Variants in FBN2 observed in about 807,000 individuals in gnomAD.
The protein encoded by FBN2 is fibrillin-2.
A neutral mutation model predicts 355.6 loss-of-function variants in FBN2; 105 were observed. The ratio of observed to expected loss-of-function variants is 0.30; its 90% confidence interval spans 0.25 to 0.35. FBN2 has a LOEUF of 0.35. FBN2 is among the 10% of genes least tolerant of loss of function. The pLI is 1.00. For synonymous variants in FBN2, 1,350 were observed against 1,301.2 expected (o/e 1.04, Z -0.81); for missense variants, 3,280 against 3,758.7 (o/e 0.87, Z 3.33).
intron 6 of FBN2, among the ~76,000 whole-genome samples, chr5:128,459,045 T>G (rs1305900949): frequency 6.6e-6 from 1 of 151,802 alleles, no homozygotes; most frequent in African/African-American, 2.4e-5. Flanking sequence ...ATGAAACTGA[T>G]AGACTGCTAG....
At chr5:128,441,978 A>T (rs1256018075) in intron 7 of FBN2, 1 of 154,748 alleles carries the variant, frequency 6.5e-6, no homozygotes, top group Non-Finnish European at 1.4e-5. Flanking sequence ...ACTTTATGTA[A>T]TATGAATAAG....
chr5:128,484,446 C>G (rs189754792), intron 5 of FBN2, among the ~76,000 whole-genome samples: 1 of 152,200 alleles, frequency 6.6e-6, no homozygotes, highest in Admixed American at 6.5e-5. Flanking sequence ...GCCAATCATA[C>G]ACAAGGAAGC....
intron 2 of FBN2, among the ~76,000 whole-genome samples, chr5:128,531,038 C>G (rs115989513): frequency 1.3e-5 from 2 of 152,072 alleles, no homozygotes; most frequent in African/African-American, 4.8e-5. Context: ...AGTCATTATT[C>G]GAAAAAGATA....
chr5:128,368,079 C>T (rs543003077), intron 16 of FBN2, among the ~76,000 whole-genome samples: 1 of 152,144 alleles, frequency 6.6e-6, no homozygotes, highest in African/African-American at 2.4e-5. Flanking sequence ...TCCTTCCCAG[C>T]TTCCCTGGGC....
At position 128,338,030 on chromosome 5, in the gene FBN2, G is replaced by A. The variant is rs779690646; in HGVS notation, c.3565C>T (p.His1189Tyr). The change falls in exon 27 of 65, where the codon CAC becomes TAC. Residue 1189 changes from histidine (H) to tyrosine (Y), a missense_variant. His to Tyr is a moderately conservative substitution (Grantham distance 83, BLOSUM62 2). Around this residue, in one of 6 missense-constraint regions of FBN2, gnomAD observed 2,284 missense variants for 2,749.5 expected, o/e 0.83. Transcript: ENST00000262464. ...GSFQCDCPLG[H>Y]ELSPSREDCV... The stretch of plus-strand genomic sequence containing the variant: ...TCCTCACGGGATGGTGACAGCTCGT[G>A]TCCCAGTGGGCAGTCACACTGAAAG... 16 of 1,614,160 alleles carry A rather than the reference G, an allele frequency of 9.9e-6. No homozygotes were observed. Among genetic ancestry groups the A allele is most frequent in the Middle Eastern group, 1.6e-4 (1 of 6,062 alleles).
At chr5:128,373,961 T>C (rs945144055) in intron 15 of FBN2, among the ~76,000 whole-genome samples, 2 of 152,184 alleles carry the variant, frequency 1.3e-5, no homozygotes, top group Non-Finnish European at 2.9e-5. Flanking sequence ...AAGTCCAATA[T>C]TTATATTTTA....
chr5:128,260,124 G>T (rs1036935610), intron 64 of FBN2, among the ~76,000 whole-genome samples: 1 of 151,724 alleles, frequency 6.6e-6, no homozygotes, highest in Non-Finnish European at 1.5e-5. Flanking sequence ...CCCATTTCAA[G>T]TTTTTTTTGA....
In FBN2 at chr5:128,348,776, A is replaced by G. The variant is rs1366691856; in HGVS notation, c.2989+571T>C. On this transcript the variant is annotated intron_variant, in intron 23 of 64. Transcript: ENST00000262464. ...TCAATCATGAAATTCAAGTTCAAACATGACACTAATAAAGAAAAAGGTCAA... is the reference window on the plus strand; with the variant it reads ...TCAATCATGAAATTCAAGTTCAAACGTGACACTAATAAAGAAAAAGGTCAA... Among the ~76,000 whole-genome samples the G allele has an allele frequency of 3.3e-5, 5 of 152,348 alleles. No homozygotes were observed. The East Asian group carries it at 7.7e-4, about 23-fold the overall frequency.
chr5:128,362,686 A>G (rs191915951), intron 18 of FBN2, among the ~76,000 whole-genome samples: 8 of 152,138 alleles, frequency 5.3e-5, no homozygotes, highest in African/African-American at 1.9e-4. Flanking sequence ...GCTGTTCTGG[A>G]ACTTCTGGCC....
chr5:128,363,250 G>A (rs1316888426), intron 18 of FBN2, among the ~76,000 whole-genome samples: 3 of 151,914 alleles, frequency 2.0e-5, no homozygotes, highest in Non-Finnish European at 4.4e-5. Context: ...GAGTGCAGTG[G>A]CGAGGTCTCC....
Position 128,288,529 on chromosome 5 carries a change from C to G in FBN2, c.6666G>C (p.Pro2222=). Residue 2222 remains proline (P), a synonymous_variant, in exon 53 of 65, where the codon CCG becomes CCC. Transcript: ENST00000262464. ...CATTGGTGCATGTACCATTTCCACA[C>G]GGATTGCCGATTGAACACTCATCAG... ...VDTDECSIGN[P]CGNGTCTNVI... 1 of 1,613,778 alleles carries G rather than the reference C, an allele frequency of 6.2e-7. No homozygotes were observed. The highest frequency in any genetic ancestry group is 8.5e-7 in the Non-Finnish European group (1 of 1,179,832).
intron 5 of FBN2, among the ~76,000 whole-genome samples, chr5:128,497,468 G>A (rs976632995): frequency 1.3e-5 from 2 of 152,202 alleles, no homozygotes; most frequent in African/African-American, 4.8e-5. Flanking sequence ...AAGTGGTTAA[G>A]TAATTTTAGG....
chr5:128,484,487 T>C (rs1487982430), intron 5 of FBN2, among the ~76,000 whole-genome samples: 2 of 152,112 alleles, frequency 1.3e-5, no homozygotes, highest in African/African-American at 2.4e-5. Flanking sequence ...CAAACACCTT[T>C]AGAAAAACAG....
chr5:128,508,122 C>A (rs940380955), intron 5 of FBN2, among the ~76,000 whole-genome samples: 4 of 151,944 alleles, frequency 2.6e-5, no homozygotes, highest in African/African-American at 9.7e-5. Context: ...CCAATTATTT[C>A]TTTTTACATC....
intron 5 of FBN2, among the ~76,000 whole-genome samples, chr5:128,503,462 A>G (rs888652948): frequency 3.3e-5 from 5 of 152,188 alleles, no homozygotes; most frequent in Admixed American, 3.3e-4. Context: ...GATGTGGGAA[A>G]GTTTGGAACT....
chr5:128,369,388 T>C lies in FBN2; in HGVS notation c.2096-54A>G, dbSNP rs1751868696. On this transcript the variant is annotated intron_variant, in intron 15 of 64. Coordinates refer to ENST00000262464, the MANE Select transcript of FBN2 (RefSeq NM_001999.4). ...AGGCAGTGATAGAGACAAAGAGATT[T>C]CGAAACAGAAGGCTTCTTTTAACCT... The C allele has an allele frequency of 6.3e-6, 10 of 1,593,962 alleles. No homozygotes were observed. In the Admixed American group the frequency reaches 8.5e-5, roughly 14 times the overall value.
At chr5:128,300,220 A>G (rs1047598082) in intron 48 of FBN2, among the ~76,000 whole-genome samples, 4 of 152,252 alleles carry the variant, frequency 2.6e-5, no homozygotes, top group African/African-American at 7.2e-5. Flanking sequence ...GTAAAAAATA[A>G]TTTGTATAAA....
At chr5:128,452,923 T>C (rs1016773463) in intron 6 of FBN2, among the ~76,000 whole-genome samples, 1 of 152,138 alleles carries the variant, frequency 6.6e-6, no homozygotes, top group Non-Finnish European at 1.5e-5. Context: ...TGCTTATTAT[T>C]TCCATTAGTA....
At chr5:128,336,972 A>G (rs1305058693) in intron 27 of FBN2, among the ~76,000 whole-genome samples, 2 of 152,206 alleles carry the variant, frequency 1.3e-5, no homozygotes, top group Non-Finnish European at 2.9e-5. Flanking sequence ...TATATTATAC[A>G]GAAATATATA....
Sources: allele counts gnomAD v4.1 joint callset (sites outside exome capture counted in the v4.1 genomes callset), GRCh38; gene constraint gnomAD v4.1.1; regional missense constraint gnomAD v4.1.1; transcripts MANE v1.5; gene names NCBI Gene and HGNC (gene_info 2026-07-23, HGNC 2026-07-21).